RRP12: variants seen among roughly 807,000 people sequenced by gnomAD.
The protein encoded by RRP12 is RRP12-like protein.
In RRP12, 78 loss-of-function variants were observed where a neutral mutation model predicts 157.3. The observed-to-expected ratio is 0.50, with a 90% CI of 0.41 to 0.60. The LOEUF is 0.60. Ranked by LOEUF, RRP12 falls within the 20% of genes least tolerant of loss-of-function variation. RRP12 has a pLI of 0.00. For missense variants in RRP12, 1,521 were observed against 1,679.9 expected, an observed-to-expected ratio of 0.91 and a Z score of 1.65; for synonymous variants, 726 against 670.9, an observed-to-expected ratio of 1.08 and a Z score of -1.27.
chr10:97,359,885 G>A (rs187499478), intron 31 of RRP12, among the ~76,000 whole-genome samples: 13 of 152,338 alleles, frequency 8.5e-5, no homozygotes, highest in African/African-American at 2.4e-4. Context: ...GTGCAGCTGC[G>A]TTATGATGCT....
chr10:97,397,974 A>C (rs1354288224), intron 2 of RRP12, among the ~76,000 whole-genome samples: 4 of 138,224 alleles, frequency 2.9e-5, no homozygotes, highest in African/African-American at 1.1e-4. Context: ...AAATAACAAA[A>C]TTGGGTAAAA....
chr10:97,401,060 C>T, intron 1 of RRP12, 33 bp downstream of exon 1: 2 of 1,607,342 alleles, frequency 1.2e-6, no homozygotes, highest in Non-Finnish European at 1.7e-6. Context: ...TGGAACCCCG[C>T]CCCCGGCTGC....
intron 31 of RRP12, 75 bp downstream of exon 31, chr10:97,360,471 C>A: frequency 8.2e-7 from 1 of 1,226,288 alleles, no homozygotes; most frequent in Admixed American, 1.7e-5. Flanking sequence ...CCCTGCCACC[C>A]CTTCCTGTGA....
chr10:97,381,481 C>T lies in RRP12; in HGVS notation c.1323G>A (p.Glu441=). 1 of 1,609,278 alleles carries T rather than the reference C, an allele frequency of 6.2e-7. No individual in the cohort carries two copies. Among genetic ancestry groups the T allele is most frequent in the African/African-American group, 1.3e-5 (1 of 74,914 alleles). Residue 441 remains glutamate (E), a splice_region_variant and synonymous_variant, in exon 12 of 34, where the codon GAG becomes GAA. Coordinates refer to ENST00000370992, the MANE Select transcript of RRP12 (RefSeq NM_015179.4). ...GGGGAGCCACGCATTCCTTCAGGAT[C>T]TCCTGCGAAGAGAGGCCACAGGCTT... ...VLTAATQSLK[E]ILKECVAPHM...
chr10:97,357,116 C>T lies in RRP12; in HGVS notation c.3872G>A (p.Arg1291His), dbSNP rs199748194. ...GCCTCAGGGTCGACGATCCTTTCTG[C>T]GGTTTTTGTGTCCCACCTGGGAACC... ...RRGSQVGHKN[R>H]RKDRRP Residue 1291 changes from arginine to histidine, a missense_variant, in exon 34 of 34, where the codon CGC becomes CAC. Physicochemically the swap from Arg to His is conservative, Grantham distance 29 (BLOSUM62 0). Coordinates refer to ENST00000370992, the MANE Select transcript of RRP12 (RefSeq NM_015179.4). 79 of 1,612,284 alleles carry T rather than the reference C, an allele frequency of 4.9e-5. No individual in the cohort carries two copies. Among genetic ancestry groups the T allele is most frequent in the South Asian group, 2.3e-4 (21 of 90,996 alleles).
At chr10:97,367,159 G>C in intron 25 of RRP12, 27 bp from the exon 26 acceptor site, 2 of 1,601,768 alleles carry the variant, frequency 1.2e-6, no homozygotes, top group Non-Finnish European at 1.7e-6. Flanking sequence ...CAGGCTTTCA[G>C]GGAGGCGAGC....
intron 15 of RRP12, among the ~76,000 whole-genome samples, chr10:97,374,696 C>T (rs145074708): frequency 0.021 from 3,045 of 143,766 alleles, 66 homozygotes; most frequent in African/African-American, 0.058. Context: ...GGAGTGAACC[C>T]GGGAGGTGGA....
rs555093804 is a variant in RRP12 at position 97,385,770 on chromosome 10, C to T, written c.1116+125G>A. 1.9e-3 allele frequency: 1,255 copies of T among 671,126 alleles called. 5 individuals are homozygous for T. Among genetic ancestry groups the T allele is most frequent in the Non-Finnish European group, 2.7e-3 (1,028 of 377,208 alleles). The allele number at this position is 671,126 out of a possible 1,614,324, so 41.6% of individuals were successfully genotyped here. Reference sequence around the variant, plus strand: ...TCCTTCCCCTTCTACTGGCCTCTTCCACTAGGACAACCCAGCCCAGCCAAC... The same window carrying T: ...TCCTTCCCCTTCTACTGGCCTCTTCTACTAGGACAACCCAGCCCAGCCAAC... On this transcript the variant is annotated intron_variant, in intron 9 of 33. Coordinates refer to ENST00000370992, the MANE Select transcript of RRP12 (RefSeq NM_015179.4).
chr10:97,385,751 C>T (rs1844613702), intron 9 of RRP12, 144 bp downstream of exon 9: 2 of 623,582 alleles, frequency 3.2e-6, no homozygotes. Context: ...ATCTTCCTTC[C>T]CCTTCTACTG....
In RRP12 at chr10:97,357,201, A is replaced by G. The variant is rs1221599580; in HGVS notation, c.3792-5T>C. On this transcript the variant is annotated splice_region_variant and splice_polypyrimidine_tract_variant and intron_variant, in intron 33 of 33. Coordinates refer to ENST00000370992, the MANE Select transcript of RRP12 (RefSeq NM_015179.4). ...CCCTGCAGCTTCATCTTCTTCCTGCAGGGCCAAGGAACGGAAGGGTCACAT... is the reference window on the plus strand; with the variant it reads ...CCCTGCAGCTTCATCTTCTTCCTGCGGGGCCAAGGAACGGAAGGGTCACAT... 3 of 1,589,700 alleles carry G rather than the reference A, an allele frequency of 1.9e-6. No homozygotes were observed. The highest frequency in any genetic ancestry group is 2.6e-6 in the Non-Finnish European group (3 of 1,160,542).
intron 2 of RRP12, among the ~76,000 whole-genome samples, chr10:97,396,607 C>T (rs1844971713): frequency 6.6e-6 from 1 of 152,114 alleles, no homozygotes. Context: ...AAGCCATCAA[C>T]AGGAGATTAA....
At chr10:97,388,935 C>A (rs138166894) in intron 6 of RRP12, among the ~76,000 whole-genome samples, 1 of 152,280 alleles carries the variant, frequency 6.6e-6, no homozygotes, top group East Asian at 1.9e-4. Flanking sequence ...CTTAATCATC[C>A]GGCAAACACT....
At chr10:97,382,236 C>T (rs1844492581) in intron 10 of RRP12, among the ~76,000 whole-genome samples, 1 of 152,012 alleles carries the variant, frequency 6.6e-6, no homozygotes. Flanking sequence ...TCTCAAACTC[C>T]TGGGCTCAAG....
At chr10:97,379,048 T>C (rs554820037) in intron 15 of RRP12, among the ~76,000 whole-genome samples, 2 of 152,362 alleles carry the variant, frequency 1.3e-5, no homozygotes, top group East Asian at 1.9e-4. Flanking sequence ...GGCAGCTCCA[T>C]GTGGAGGCAG....
intron 12 of RRP12, 78 bp from the exon 13 acceptor site, chr10:97,380,991 C>CAG: frequency 8.6e-7 from 1 of 1,156,580 alleles, no homozygotes; most frequent in Non-Finnish European, 1.3e-6. Context: ...ACGGCCAGCA[C>CAG]CCTGAGCTAC....
intron 2 of RRP12, among the ~76,000 whole-genome samples, chr10:97,396,742 T>C (rs1554882891): frequency 6.6e-6 from 1 of 152,174 alleles, no homozygotes; most frequent in Non-Finnish European, 1.5e-5. Context: ...AGTATTTGTG[T>C]ATAACCTATA....
chr10:97,375,421 A>G (rs1285939751), intron 15 of RRP12, among the ~76,000 whole-genome samples: 1 of 152,142 alleles, frequency 6.6e-6, no homozygotes, highest in African/African-American at 2.4e-5. Flanking sequence ...GGGCTTTACC[A>G]TAACTAATTT....
At chr10:97,386,318 G>T (rs1463785131) in intron 8 of RRP12, among the ~76,000 whole-genome samples, 1 of 150,266 alleles carries the variant, frequency 6.7e-6, no homozygotes, top group Non-Finnish European at 1.5e-5. Context: ...GGATACAGGG[G>T]TGAGACCAAT....
At position 97,388,258 on chromosome 10, in the gene RRP12, G is replaced by A. The variant is rs767756651; in HGVS notation, c.1011C>T (p.Ser337=). Residue 337 remains serine, a synonymous_variant, in exon 8 of 34, where the codon AGC becomes AGT. Coordinates refer to ENST00000370992, the MANE Select transcript of RRP12 (RefSeq NM_015179.4). ...SETLLRVMTL[S]HVLVTACAMQ... is the part of the protein sequence containing the mutation. ...CTTTTGGGCCTGAGCTCACCACATG[G>A]CTCAAGGTCATGACCCTGAGGAGAG... 1.2e-6 allele frequency: 2 copies of A among 1,613,836 alleles called. No individual in the cohort carries two copies. The highest frequency in any genetic ancestry group is 1.7e-4 in the Middle Eastern group (1 of 6,020).
Sources: gnomAD v4.1 joint callset for allele counts (sites outside exome capture counted in the v4.1 genomes callset) on GRCh38, gnomAD v4.1.1 for gene constraint, MANE v1.5 for transcripts, NCBI Gene and HGNC (gene_info 2026-07-23, HGNC 2026-07-21) for gene names.